The following STMN2 variants were observed in gnomAD, a reference collection of about 807,000 sequenced individuals.
STMN2 encodes the protein stathmin 2.
STMN2 carries 2 observed loss-of-function variants against 24.1 expected under a neutral mutation model. The ratio of observed to expected loss-of-function variants is 0.08; its 90% CI spans 0.03 to 0.26. The LOEUF (loss-of-function observed/expected upper bound fraction) is 0.26, where lower values mean the gene tolerates loss of function less well. STMN2 is among the 10% of genes least tolerant of loss of function. The pLI is 1.00. For missense variants in STMN2, 114 were observed against 213.6 expected, an observed-to-expected ratio of 0.53 and a Z score of 2.91; for synonymous variants, 83 against 77.5, an observed-to-expected ratio of 1.07 and a Z score of -0.37.
intron 1 of STMN2, among the ~76,000 whole-genome samples, chr8:79,631,151 T>G (rs1435855558): frequency 6.6e-6 from 1 of 152,166 alleles, no homozygotes; most frequent in African/African-American, 2.4e-5. Flanking sequence ...TTACAACAAT[T>G]TACTGCTTTT....
rs543215960 is a variant in STMN2 at position 79,622,040 on chromosome 8, C to G, written c.19+10826C>G. Among the ~76,000 whole-genome samples, 3 of 152,254 alleles carry G rather than the reference C, an allele frequency of 2.0e-5. No individual in the cohort carries two copies. In the South Asian group the frequency reaches 6.2e-4, roughly 32 times the overall value. ...ATCCTATGAAAATTAAAAAGCAGTA[C>G]CACAAGTTACCCCAAAAGTCCTTAG... On this transcript the variant is annotated intron_variant, in intron 1 of 4. Transcript: ENST00000220876.
intron 1 of STMN2, among the ~76,000 whole-genome samples, chr8:79,630,298 C>T (rs947827509): frequency 3.9e-5 from 6 of 152,014 alleles, no homozygotes; most frequent in Non-Finnish European, 8.8e-5. Flanking sequence ...TGATAAAAGT[C>T]TCGCACTTTT....
At chr8:79,637,613 G>A (rs117525263) in intron 2 of STMN2, among the ~76,000 whole-genome samples, 2 of 152,174 alleles carry the variant, frequency 1.3e-5, no homozygotes, top group East Asian at 1.9e-4. Context: ...AGGTTTAAAC[G>A]GTTTAATGTA....
intron 3 of STMN2, among the ~76,000 whole-genome samples, chr8:79,644,243 G>A (rs1810171700): frequency 6.6e-6 from 1 of 152,188 alleles, no homozygotes; most frequent in Non-Finnish European, 1.5e-5. Context: ...AGTGGCTACA[G>A]CATCAGGAAC....
chr8:79,647,695 C>T (rs1810247497), intron 3 of STMN2, among the ~76,000 whole-genome samples: 1 of 152,182 alleles, frequency 6.6e-6, no homozygotes, highest in Admixed American at 6.5e-5. Flanking sequence ...ATAGAAGAAG[C>T]TTGTCATAAA....
chr8:79,641,628 G>GCGCACA lies in STMN2; in HGVS notation c.288+79_288+80insGCACAC, dbSNP rs767739163. ...CTCACACACTCGGGCACACATGCAC[G>GCGCACA]CACACACACACACACACACACACAC... On this transcript the variant is annotated intron_variant, in intron 3 of 4. Transcript: ENST00000220876. 446 of 431,736 alleles carry GCGCACA rather than the reference G, an allele frequency of 1.0e-3. 1 individual carries two copies. The highest frequency in any genetic ancestry group is 2.8e-3 in the East Asian group (71 of 25,068). 26.7% of individuals were successfully genotyped at this position (431,736 alleles called of 1,614,324 possible).
intron 4 of STMN2, among the ~76,000 whole-genome samples, chr8:79,662,566 G>A (rs1806525457): frequency 6.6e-6 from 1 of 152,086 alleles, no homozygotes; most frequent in Non-Finnish European, 1.5e-5. Flanking sequence ...TGAACGTAAA[G>A]TGTTCAAATA....
At chr8:79,625,949 A>G (rs1809643340) in intron 1 of STMN2, among the ~76,000 whole-genome samples, 1 of 152,320 alleles carries the variant, frequency 6.6e-6, no homozygotes, top group African/African-American at 2.4e-5. Context: ...ACAAGAGCAA[A>G]AAACTCTGAC....
intron 1 of STMN2, among the ~76,000 whole-genome samples, chr8:79,623,622 C>T (rs76263038): frequency 6.6e-6 from 1 of 151,996 alleles, no homozygotes; most frequent in Non-Finnish European, 1.5e-5. Flanking sequence ...AATATTTTTT[C>T]ACATTTATAA....
Position 79,641,555 on chromosome 8 carries a change from CT to C in STMN2, c.288+10del, listed in dbSNP as rs1232097546. The C allele has an allele frequency of 1.3e-6, 2 of 1,592,352 alleles. No homozygotes were observed. Among genetic ancestry groups the C allele is most frequent in the African/African-American group, 1.4e-5 (1 of 73,778 alleles). On this transcript the variant is annotated splice_donor_region_variant and intron_variant, in intron 3 of 4. Coordinates refer to ENST00000220876, the MANE Select transcript of STMN2 (RefSeq NM_007029.4). ...GCTGCAGAGGAAAGAAGAAAGGTAA[CT>C]TTTTCCATAGGTTTTCCTTCTCTCT...
chr8:79,636,936 T>A, intron 2 of STMN2, 39 bp downstream of exon 2: 1 of 1,574,694 alleles, frequency 6.4e-7, no homozygotes, highest in Non-Finnish European at 8.7e-7. Flanking sequence ...GCTAGCTAGA[T>A]CATTTGGAAA....
At chr8:79,632,507 C>T (rs1008165611) in intron 1 of STMN2, among the ~76,000 whole-genome samples, 1 of 152,160 alleles carries the variant, frequency 6.6e-6, no homozygotes, top group Non-Finnish European at 1.5e-5. Flanking sequence ...TCCTGGGCCT[C>T]GTCAGCAGAG....
chr8:79,659,114 C>T (rs1393249150), intron 4 of STMN2, among the ~76,000 whole-genome samples: 2 of 152,180 alleles, frequency 1.3e-5, no homozygotes, highest in Admixed American at 1.3e-4. Context: ...AAGAATGTTA[C>T]ACTCATTTCT....
chr8:79,613,860 G>C (rs1020498768), intron 1 of STMN2: 4 of 982,068 alleles, frequency 4.1e-6, no homozygotes, highest in Admixed American at 6.1e-5. Flanking sequence ...ACATGTGCAA[G>C]TGCTTGCTAA....
At position 79,641,624 on chromosome 8, in the gene STMN2, G is replaced by GCACACACA. The variant is rs1319315239; in HGVS notation, c.288+77_288+78insACACACAC. ...CCCTCTCACACACTCGGGCACACAT[G>GCACACACA]CACGCACACACACACACACACACAC... On this transcript the variant is annotated intron_variant, in intron 3 of 4. Transcript: ENST00000220876. 4.4e-5 allele frequency: 21 copies of GCACACACA among 476,236 alleles called. No homozygotes were observed. In the Admixed American group the frequency reaches 6.9e-4, roughly 16 times the overall value. The allele number at this position is 476,236 out of a possible 1,614,324, so 29.5% of individuals were successfully genotyped here.
At chr8:79,651,341 T>C (rs1340642040) in intron 3 of STMN2, among the ~76,000 whole-genome samples, 1 of 152,190 alleles carries the variant, frequency 6.6e-6, no homozygotes, top group Non-Finnish European at 1.5e-5. Context: ...TTAGCCCCAA[T>C]AGCAACAAAA....
intron 1 of STMN2, among the ~76,000 whole-genome samples, chr8:79,614,067 A>G (rs1026013590): frequency 1.4e-4 from 21 of 152,286 alleles, no homozygotes; most frequent in African/African-American, 5.1e-4. Context: ...CTGATTCTTG[A>G]TACAGCCTCA....
At chr8:79,659,646 A>C (rs973936911) in intron 4 of STMN2, among the ~76,000 whole-genome samples, 3 of 152,172 alleles carry the variant, frequency 2.0e-5, no homozygotes, top group African/African-American at 7.2e-5. Context: ...ACAACAATAC[A>C]TCTATTCACT....
At chr8:79,661,531 C>A (rs1336568085) in intron 4 of STMN2, among the ~76,000 whole-genome samples, 1 of 152,068 alleles carries the variant, frequency 6.6e-6, no homozygotes, top group Non-Finnish European at 1.5e-5. Flanking sequence ...TGAACACTTA[C>A]TATTGAACAT....
Sources: allele counts gnomAD v4.1 joint callset (sites outside exome capture counted in the v4.1 genomes callset), GRCh38; gene constraint gnomAD v4.1.1; transcripts MANE v1.5; gene names NCBI Gene and HGNC (gene_info 2026-07-23, HGNC 2026-07-21).